WWOX: variants seen among roughly 807,000 people sequenced by gnomAD.
WWOX encodes WW domain-containing oxidoreductase.
WWOX carries 69 observed loss-of-function variants against 46.2 expected under a neutral mutation model. That is an observed-to-expected ratio of 1.49 (90% CI 1.23 to 1.82). WWOX has a LOEUF of 1.82. WWOX is among the 40% of genes most tolerant of loss of function. The pLI is 0.00. For missense variants in WWOX, 919 were observed against 542.6 expected (o/e 1.69, Z -6.89); for synonymous variants, 359 against 202.6 (o/e 1.77, Z -6.56).
chr16:78,986,750 C>T (rs748473438), intron 8 of WWOX, among the ~76,000 whole-genome samples: 1 of 152,164 alleles, frequency 6.6e-6, no homozygotes, highest in African/African-American at 2.4e-5. Context: ...TTTGCCATTT[C>T]TTGATAGCTT....
intron 8 of WWOX, among the ~76,000 whole-genome samples, chr16:79,165,748 A>G (rs565572271): frequency 1.3e-5 from 2 of 152,304 alleles, no homozygotes; most frequent in South Asian, 4.1e-4. Context: ...GCACAGGCCA[A>G]GCTCGGCTAG....
intron 8 of WWOX, among the ~76,000 whole-genome samples, chr16:78,623,146 G>C (rs2046229834): frequency 6.6e-6 from 1 of 151,970 alleles, no homozygotes; most frequent in South Asian, 2.1e-4. Flanking sequence ...TAAGACCCTG[G>C]ATGGAGAACC....
intron 8 of WWOX, among the ~76,000 whole-genome samples, chr16:78,798,968 G>T (rs1277883856): frequency 1.3e-5 from 2 of 152,020 alleles, no homozygotes; most frequent in Non-Finnish European, 2.9e-5. Flanking sequence ...GCCTTTCTTG[G>T]TCTATTAATT....
chr16:79,001,314 C>A (rs906398823), intron 8 of WWOX, among the ~76,000 whole-genome samples: 2 of 152,068 alleles, frequency 1.3e-5, no homozygotes, highest in African/African-American at 2.4e-5. Context: ...CTCTCCCTCC[C>A]CCTATTCTCA....
chr16:78,231,639 A>G (rs1203107515), intron 5 of WWOX, among the ~76,000 whole-genome samples: 1 of 152,202 alleles, frequency 6.6e-6, no homozygotes, highest in African/African-American at 2.4e-5. Flanking sequence ...CGACTTTTGC[A>G]TCATGATAAA....
At chr16:78,626,141 T>C (rs2046306052) in intron 8 of WWOX, among the ~76,000 whole-genome samples, 2 of 151,968 alleles carry the variant, frequency 1.3e-5, no homozygotes, top group African/African-American at 4.8e-5. Flanking sequence ...TATTTTTTTT[T>C]TCTTTTTGAG....
At chr16:78,133,292 G>A (rs900954637) in intron 4 of WWOX, among the ~76,000 whole-genome samples, 1 of 152,146 alleles carries the variant, frequency 6.6e-6, no homozygotes, top group Non-Finnish European at 1.5e-5. Context: ...ATGGAGTCTT[G>A]CACTGTCACC....
intron 4 of WWOX, among the ~76,000 whole-genome samples, chr16:78,134,797 G>A (rs528676065): frequency 6.6e-6 from 1 of 152,292 alleles, no homozygotes; most frequent in East Asian, 1.9e-4. Context: ...TAGAAAGCTT[G>A]ATCTATGTTT....
intron 8 of WWOX, among the ~76,000 whole-genome samples, chr16:78,733,535 C>G (rs956723358): frequency 6.6e-6 from 1 of 150,392 alleles, no homozygotes; most frequent in Non-Finnish European, 1.5e-5. Flanking sequence ...ATCACGAGGT[C>G]AGGAGATCGA....
chr16:78,471,126 G>A (rs569673883), intron 8 of WWOX, among the ~76,000 whole-genome samples: 1 of 152,262 alleles, frequency 6.6e-6, no homozygotes, highest in South Asian at 2.1e-4. Flanking sequence ...ACTGAACAGG[G>A]AAGAGGGAAA....
At chr16:78,700,864 T>C (rs1028349584) in intron 8 of WWOX, among the ~76,000 whole-genome samples, 1 of 152,160 alleles carries the variant, frequency 6.6e-6, no homozygotes, top group Admixed American at 6.5e-5. Flanking sequence ...ACCCAGAGGA[T>C]TGAGGTTTAT....
chr16:78,291,783 G>T (rs1476902206), intron 5 of WWOX, among the ~76,000 whole-genome samples: 7 of 152,170 alleles, frequency 4.6e-5, no homozygotes, highest in Non-Finnish European at 8.8e-5. Flanking sequence ...CCACCAGGGA[G>T]CAGGGAAAGT....
At chr16:78,364,861 C>T (rs72794088) in intron 5 of WWOX, among the ~76,000 whole-genome samples, 7,991 of 152,156 alleles carry the variant, frequency 0.053, 285 homozygotes, top group East Asian at 0.12. Context: ...TACATGCAGT[C>T]GTTTTGGCCT....
rs182398228 is a variant in WWOX, at chr16:78,144,500, C to T, written c.410-19683C>T. ...ATATATATATATACACACACACACA[C>T]ATATATATATATATATATATATATT... On this transcript the variant is annotated intron_variant, in intron 4 of 8. Coordinates refer to ENST00000566780, the MANE Select transcript of WWOX (RefSeq NM_016373.4). Among the ~76,000 whole-genome samples the T allele has an allele frequency of 7.2e-3, 158 of 21,842 alleles. 13 individuals are homozygous for T. The highest frequency in any genetic ancestry group is 0.022 in the African/African-American group (134 of 6,064). 14.3% of individuals were successfully genotyped at this position (21,842 alleles called of 152,430 possible).
chr16:79,044,060 C>T lies in WWOX; in HGVS notation c.1057-167548C>T, dbSNP rs147086961. 1.4e-4 allele frequency among the ~76,000 whole-genome samples: 22 copies of T among 152,292 alleles called. 1 individual carries two copies. In the East Asian group the frequency reaches 1.9e-3, roughly 13 times the overall value. Reference sequence around the variant, plus strand: ...AAGAGGCTTCGGCCCTGCCCAGACCCGGTGGCCTGAGAGTCACAGTGAGGC... The same window carrying T: ...AAGAGGCTTCGGCCCTGCCCAGACCTGGTGGCCTGAGAGTCACAGTGAGGC... On this transcript the variant is annotated intron_variant, in intron 8 of 8. Coordinates refer to ENST00000566780, the MANE Select transcript of WWOX (RefSeq NM_016373.4).
intron 8 of WWOX, among the ~76,000 whole-genome samples, chr16:78,819,771 C>T (rs189770285): frequency 6.6e-6 from 1 of 152,186 alleles, no homozygotes; most frequent in African/African-American, 2.4e-5. Context: ...AGGCCACAAG[C>T]TCACAGCATT....
rs115050768 is a variant in WWOX, at chr16:79,076,519, C to G, written c.1057-135089C>G. On this transcript the variant is annotated intron_variant, in intron 8 of 8. Transcript: ENST00000566780. ...TGTCCGGTGCATCCTCCGTGCCAGC[C>G]CCCGCTGTCCTAGAACCATCTAAGC... Among the ~76,000 whole-genome samples the G allele has an allele frequency of 2.6e-3, 391 of 152,268 alleles. 2 individuals are homozygous for G. The highest frequency in any genetic ancestry group is 8.7e-3 in the African/African-American group (362 of 41,558).
chr16:78,776,477 A>G (rs1046326060), intron 8 of WWOX, among the ~76,000 whole-genome samples: 11 of 152,128 alleles, frequency 7.2e-5, no homozygotes, highest in African/African-American at 2.7e-4. Flanking sequence ...ATTAAATATG[A>G]CGATACATAA....
At chr16:78,513,394 C>T (rs1035033607) in intron 8 of WWOX, among the ~76,000 whole-genome samples, 5 of 152,160 alleles carry the variant, frequency 3.3e-5, no homozygotes, top group African/African-American at 1.2e-4. Flanking sequence ...AGGGTATCCA[C>T]TGCCCTGGTG....
Sources: gnomAD v4.1 joint callset for allele counts (sites outside exome capture counted in the v4.1 genomes callset) on GRCh38, gnomAD v4.1.1 for gene constraint, MANE v1.5 for transcripts, NCBI Gene and HGNC (gene_info 2026-07-23, HGNC 2026-07-21) for gene names.